The following ITGA9 variants were observed in gnomAD, a reference collection of about 807,000 sequenced individuals.
ITGA9 encodes integrin alpha-9.
Under a neutral mutation model 127.8 loss-of-function variants are expected in ITGA9, and 56 were observed. That is an observed-to-expected ratio of 0.44 (90% CI 0.35 to 0.55). The LOEUF (loss-of-function observed/expected upper bound fraction) is 0.55. ITGA9 is among the 20% of genes least tolerant of loss of function. The pLI is 0.00. For missense variants in ITGA9, 1,196 were observed against 1,347.1 expected (o/e 0.89, Z 1.76); for synonymous variants, 508 against 514.5 (o/e 0.99, Z 0.17).
intron 5 of ITGA9, among the ~76,000 whole-genome samples, chr3:37,502,935 G>GCCTGT (rs1218201450): frequency 1.3e-5 from 2 of 152,190 alleles, no homozygotes; most frequent in African/African-American, 4.8e-5. Context: ...TAGGGGCCTG[G>GCCTGT]CCTGTCGTGA....
Position 37,452,242 on chromosome 3 carries a change from A to T in ITGA9, c.-133A>T. On this transcript the variant is annotated 5_prime_UTR_variant, in exon 1 of 28. Coordinates refer to ENST00000264741, the MANE Select transcript of ITGA9 (RefSeq NM_002207.3). The surrounding 1 kb of genome is among the most constrained non-coding windows in gnomAD (Gnocchi z 7.3). ...CGTCCGCGCCCCGGTGGCGGGCCCG[A>T]CGCCCGCATTCCGCCCGTGTCCAGG... 1 of 330,698 alleles carries T rather than the reference A, an allele frequency of 3.0e-6. No homozygotes were observed. The highest frequency in any genetic ancestry group is 4.3e-6 in the Non-Finnish European group (1 of 232,062). 20.5% of individuals were successfully genotyped at this position (330,698 alleles called of 1,614,324 possible).
intron 15 of ITGA9, among the ~76,000 whole-genome samples, chr3:37,549,604 G>GAT (rs1204932077): frequency 6.6e-6 from 1 of 152,166 alleles, no homozygotes; most frequent in Non-Finnish European, 1.5e-5. Context: ...AGTCACACAT[G>GAT]ATAATGTGTT....
At chr3:37,736,027 G>C (rs1176158183) in intron 19 of ITGA9, among the ~76,000 whole-genome samples, 5 of 152,182 alleles carry the variant, frequency 3.3e-5, no homozygotes, top group African/African-American at 1.2e-4. Flanking sequence ...TTCATAAACA[G>C]AACCTTCTCT....
chr3:37,664,816 A>G (rs1575185139), intron 17 of ITGA9, among the ~76,000 whole-genome samples: 1 of 151,990 alleles, frequency 6.6e-6, no homozygotes, highest in African/African-American at 2.4e-5. Context: ...TAATATCATC[A>G]CTATTATTGT....
intron 10 of ITGA9, among the ~76,000 whole-genome samples, chr3:37,518,406 C>T (rs1699009300): frequency 6.6e-6 from 1 of 152,208 alleles, no homozygotes; most frequent in African/African-American, 2.4e-5. Flanking sequence ...TCTGCAGACA[C>T]ATGACTTTGT....
At chr3:37,500,735 G>A (rs1018698549) in intron 5 of ITGA9, among the ~76,000 whole-genome samples, 11 of 152,178 alleles carry the variant, frequency 7.2e-5, no homozygotes, top group African/African-American at 1.9e-4. Flanking sequence ...CTGCCAGTGC[G>A]TGGGCTCGTC....
chr3:37,482,720 T>TC (rs1293870837), intron 4 of ITGA9, among the ~76,000 whole-genome samples: 1 of 151,978 alleles, frequency 6.6e-6, no homozygotes, highest in African/African-American at 2.4e-5. Context: ...CTGGGAAACG[T>TC]CCCCCACAGA....
intron 6 of ITGA9, among the ~76,000 whole-genome samples, chr3:37,504,601 G>A (rs1356102660): frequency 6.6e-6 from 1 of 152,210 alleles, no homozygotes; most frequent in Non-Finnish European, 1.5e-5. Flanking sequence ...ATCAGGGAAT[G>A]AAGAGAGAGC....
chr3:37,748,383 A>C, intron 22 of ITGA9: 1 of 604,022 alleles, frequency 1.7e-6, no homozygotes, highest in Non-Finnish European at 3.1e-6. Context: ...AAATTAATGT[A>C]CGTATTGAGC....
At chr3:37,483,014 T>G (rs1246193128) in intron 4 of ITGA9, among the ~76,000 whole-genome samples, 2 of 152,172 alleles carry the variant, frequency 1.3e-5, no homozygotes, top group Non-Finnish European at 2.9e-5. Flanking sequence ...CCCAGTTTAC[T>G]CCTCCTTTTT....
At chr3:37,679,230 T>G (rs907286320) in intron 17 of ITGA9, among the ~76,000 whole-genome samples, 5 of 151,920 alleles carry the variant, frequency 3.3e-5, no homozygotes, top group Non-Finnish European at 7.4e-5. Flanking sequence ...AAGGGAAATT[T>G]CTCAGGGAAT....
intron 15 of ITGA9, among the ~76,000 whole-genome samples, chr3:37,627,680 T>C (rs1465844200): frequency 6.6e-6 from 1 of 152,198 alleles, no homozygotes; most frequent in East Asian, 1.9e-4. Flanking sequence ...CCAATCTGGG[T>C]GAATGCTGCT....
chr3:37,681,621 C>T (rs1700735739), intron 17 of ITGA9, among the ~76,000 whole-genome samples: 1 of 152,164 alleles, frequency 6.6e-6, no homozygotes. Context: ...TATACAAACC[C>T]TTATATCCTT....
chr3:37,754,368 A>G (rs74964863), intron 23 of ITGA9, among the ~76,000 whole-genome samples: 1,524 of 152,352 alleles, frequency 0.01, 28 homozygotes, highest in African/African-American at 0.035. Flanking sequence ...AATATGCAAG[A>G]AGGGGAAAAG....
chr3:37,570,978 A>T (rs1056215173), intron 15 of ITGA9, among the ~76,000 whole-genome samples: 1 of 152,244 alleles, frequency 6.6e-6, no homozygotes, highest in Non-Finnish European at 1.5e-5. Flanking sequence ...ATTGCTTAAG[A>T]CACTGAGGCC....
chr3:37,798,189 T>G (rs911833812), intron 26 of ITGA9, among the ~76,000 whole-genome samples: 3 of 152,160 alleles, frequency 2.0e-5, no homozygotes, highest in African/African-American at 4.8e-5. Flanking sequence ...AAGGTCTCAC[T>G]ATGTTACCCA....
chr3:37,789,316 C>G (rs762982667), intron 26 of ITGA9, among the ~76,000 whole-genome samples: 17 of 152,142 alleles, frequency 1.1e-4, no homozygotes, highest in Admixed American at 6.5e-4. Flanking sequence ...CCTAAAATAG[C>G]AAATTAACTC....
chr3:37,785,970 C>T (rs1697035862), intron 26 of ITGA9, among the ~76,000 whole-genome samples: 2 of 150,098 alleles, frequency 1.3e-5, no homozygotes, highest in Admixed American at 6.7e-5. Flanking sequence ...AAGCTATGGC[C>T]TTGGAATTTT....
intron 14 of ITGA9, among the ~76,000 whole-genome samples, chr3:37,537,486 C>T (rs1699220592): frequency 6.6e-6 from 1 of 152,188 alleles, no homozygotes; most frequent in African/African-American, 2.4e-5. Flanking sequence ...AGGACAACAG[C>T]TTCATAAACC....
Sources: allele counts gnomAD v4.1 joint callset (sites outside exome capture counted in the v4.1 genomes callset), GRCh38; gene constraint gnomAD v4.1.1; non-coding constraint Gnocchi (gnomAD v3.1); transcripts MANE v1.5; gene names NCBI Gene and HGNC (gene_info 2026-07-23, HGNC 2026-07-21).